Variants in ARFGEF2 observed in about 807,000 individuals in gnomAD.
The protein encoded by ARFGEF2 is brefeldin A-inhibited guanine nucleotide-exchange protein 2.
ARFGEF2 carries 74 observed loss-of-function variants against 219.9 expected under a neutral mutation model. The observed-to-expected ratio is 0.34, with a 90% CI of 0.28 to 0.41. The LOEUF (loss-of-function observed/expected upper bound fraction) is 0.41. Ranked by LOEUF, ARFGEF2 falls within the 10% of genes least tolerant of loss-of-function variation. ARFGEF2 has a pLI of 1.00. For missense variants in ARFGEF2, 1,743 were observed against 2,218.3 expected (o/e 0.79, Z 4.30); for synonymous variants, 733 against 799.2 (o/e 0.92, Z 1.40).
At chr20:48,925,216 A>G (rs1481243047) in intron 1 of ARFGEF2, among the ~76,000 whole-genome samples, 1 of 152,212 alleles carries the variant, frequency 6.6e-6, no homozygotes, top group Non-Finnish European at 1.5e-5. Flanking sequence ...ACTATACACC[A>G]AAAGCATAAA....
At chr20:48,964,484 T>C (rs1489675002) in intron 7 of ARFGEF2, among the ~76,000 whole-genome samples, 1 of 152,206 alleles carries the variant, frequency 6.6e-6, no homozygotes, top group African/African-American at 2.4e-5. Flanking sequence ...ATATGCCTTG[T>C]AGATTAGGGG....
intron 38 of ARFGEF2, 82 bp downstream of exon 38, chr20:49,032,248 ATT>A: frequency 1.0e-6 from 1 of 959,040 alleles, no homozygotes; most frequent in Non-Finnish European, 1.7e-6. Flanking sequence ...TGCAGTAACT[ATT>A]TTCTCAGTTC....
rs530481348 is a variant in ARFGEF2, at chr20:49,033,641, G to A, written c.*442G>A. ...CTAACTGCCACCTAAAATATGCTGGGTTTTCTGTTGTTTGAGTGTGTTAGA... is the reference window on the plus strand; with the variant it reads ...CTAACTGCCACCTAAAATATGCTGGATTTTCTGTTGTTTGAGTGTGTTAGA... On this transcript the variant is annotated 3_prime_UTR_variant, in exon 39 of 39. Coordinates refer to ENST00000371917, the MANE Select transcript of ARFGEF2 (RefSeq NM_006420.3). 1 of 171,834 alleles carries A rather than the reference G, an allele frequency of 5.8e-6. No homozygotes were observed. Among genetic ancestry groups the A allele is most frequent in the South Asian group, 1.4e-4 (1 of 7,188 alleles). The allele number at this position is 171,834 out of a possible 1,614,324, so 10.6% of individuals were successfully genotyped here. A position where few individuals can be genotyped will look rare whatever the true frequency, so the allele number is the denominator to read the frequency against.
At chr20:48,966,361 G>T (rs1400347600) in intron 8 of ARFGEF2, among the ~76,000 whole-genome samples, 1 of 152,134 alleles carries the variant, frequency 6.6e-6, no homozygotes, top group Non-Finnish European at 1.5e-5. Context: ...TGAAAAGTCA[G>T]TATGACTGTA....
chr20:48,977,414 G>T (rs1259058424), intron 14 of ARFGEF2, among the ~76,000 whole-genome samples: 1 of 152,134 alleles, frequency 6.6e-6, no homozygotes, highest in Non-Finnish European at 1.5e-5. Context: ...TTTTGCTACT[G>T]TGAATAGTGC....
At chr20:48,944,511 G>A (rs983730897) in intron 3 of ARFGEF2, among the ~76,000 whole-genome samples, 1 of 152,198 alleles carries the variant, frequency 6.6e-6, no homozygotes, top group African/African-American at 2.4e-5. Flanking sequence ...CTGCAGTGCA[G>A]TGGCGCGATC....
intron 3 of ARFGEF2, among the ~76,000 whole-genome samples, chr20:48,943,538 T>G (rs574595585): frequency 7.2e-5 from 11 of 152,308 alleles, no homozygotes; most frequent in Non-Finnish European, 1.3e-4. Context: ...GACCTACTCC[T>G]TAGGTTTCTG....
At chr20:48,975,247 A>G (rs1431614996) in intron 13 of ARFGEF2, among the ~76,000 whole-genome samples, 3 of 152,132 alleles carry the variant, frequency 2.0e-5, no homozygotes, top group African/African-American at 7.2e-5. Context: ...CAGTGGTGCA[A>G]TCATAGCTCA....
chr20:48,945,725 C>T (rs1475964073), intron 3 of ARFGEF2, among the ~76,000 whole-genome samples: 2 of 152,238 alleles, frequency 1.3e-5, no homozygotes, highest in South Asian at 2.1e-4. Context: ...TTAGCTGGGC[C>T]ATGTGGTGCA....
chr20:48,984,375 G>GCT (rs2091314369), intron 14 of ARFGEF2, among the ~76,000 whole-genome samples: 1 of 152,194 alleles, frequency 6.6e-6, no homozygotes, highest in Admixed American at 6.5e-5. Context: ...CACCACTTCT[G>GCT]CTCATATCTC....
chr20:48,940,134 T>C (rs891241592), intron 1 of ARFGEF2, among the ~76,000 whole-genome samples: 1 of 152,240 alleles, frequency 6.6e-6, no homozygotes, highest in Non-Finnish European at 1.5e-5. Flanking sequence ...AATAACACTA[T>C]CTCTGAGATT....
intron 27 of ARFGEF2, 50 bp from the exon 28 acceptor site, chr20:49,011,874 C>A (rs1363294536): frequency 6.2e-7 from 1 of 1,608,990 alleles, no homozygotes; most frequent in Admixed American, 1.7e-5. Context: ...TTTTTTCATC[C>A]CCATTTCTAA....
chr20:49,000,010 G>A (rs1042710640), intron 25 of ARFGEF2, among the ~76,000 whole-genome samples: 1 of 152,120 alleles, frequency 6.6e-6, no homozygotes, highest in Non-Finnish European at 1.5e-5. Flanking sequence ...ATAATCAATG[G>A]GGTGCTGGTA....
At position 48,989,370 on chromosome 20, in the gene ARFGEF2, T is replaced by C; in HGVS notation, c.2619T>C (p.Ala873=). The C allele has an allele frequency of 6.2e-7, 1 of 1,614,200 alleles. No individual in the cohort carries two copies. The highest frequency in any genetic ancestry group is 8.5e-7 in the Non-Finnish European group (1 of 1,180,030). The part of the protein sequence containing the change: ...MAKTAKALME[A]VSHAKAPFTS... ...AAACAGCCAAAGCTCTGATGGAGGC[T>C]GTGAGCCATGCCAAAGCCCCGTTTA... The change falls in exon 19 of 39, where the codon GCT becomes GCC. Residue 873 remains alanine, a synonymous_variant. Coordinates refer to ENST00000371917, the MANE Select transcript of ARFGEF2 (RefSeq NM_006420.3).
intron 34 of ARFGEF2, 133 bp from the exon 35 acceptor site, chr20:49,022,918 C>T: frequency 8.1e-7 from 1 of 1,230,586 alleles, no homozygotes; most frequent in Non-Finnish European, 1.2e-6. Context: ...AGTTCAGGAC[C>T]AGCCTGGAGA....
chr20:48,956,699 C>T (rs2091107775), intron 6 of ARFGEF2, among the ~76,000 whole-genome samples: 1 of 152,152 alleles, frequency 6.6e-6, no homozygotes, highest in South Asian at 2.1e-4. Flanking sequence ...CCTGCCTCAG[C>T]CTCCCGAGTA....
At chr20:48,937,486 G>T (rs2090966190) in intron 1 of ARFGEF2, among the ~76,000 whole-genome samples, 1 of 152,170 alleles carries the variant, frequency 6.6e-6, no homozygotes, top group Non-Finnish European at 1.5e-5. Context: ...AGCTTAAACT[G>T]ATCTGCCCAC....
At chr20:49,015,543 C>T (rs1229449247) in intron 30 of ARFGEF2, among the ~76,000 whole-genome samples, 1 of 152,184 alleles carries the variant, frequency 6.6e-6, no homozygotes, top group East Asian at 1.9e-4. Flanking sequence ...TTTGCAGCTA[C>T]ACTTCTAGTG....
intron 37 of ARFGEF2, among the ~76,000 whole-genome samples, chr20:49,030,144 G>A (rs1489901624): frequency 2.0e-5 from 3 of 151,520 alleles, no homozygotes; most frequent in African/African-American, 4.9e-5. Flanking sequence ...TCCTGACCTC[G>A]TGATCCCCCC....
Sources: gnomAD v4.1 joint callset for allele counts (sites outside exome capture counted in the v4.1 genomes callset) on GRCh38, gnomAD v4.1.1 for gene constraint, MANE v1.5 for transcripts, NCBI Gene and HGNC (gene_info 2026-07-23, HGNC 2026-07-21) for gene names.